The following ABCB11 variants were observed in gnomAD, a reference collection of about 807,000 sequenced individuals.
ABCB11 encodes bile salt export pump.
Under a neutral mutation model 148.0 loss-of-function variants are expected in ABCB11, and 95 were observed. The ratio of observed to expected loss-of-function variants is 0.64; its 90% CI spans 0.54 to 0.76. The LOEUF is 0.76. Ranked by LOEUF, ABCB11 falls within the 30% of genes least tolerant of loss-of-function variation. The pLI is 0.00. For missense variants in ABCB11, 1,523 were observed against 1,617.8 expected, an observed-to-expected ratio of 0.94 and a Z score of 1.01; for synonymous variants, 591 against 555.4, an observed-to-expected ratio of 1.06 and a Z score of -0.90.
At chr2:168,941,746 A>G (rs953727656) in intron 21 of ABCB11, among the ~76,000 whole-genome samples, 1 of 152,072 alleles carries the variant, frequency 6.6e-6, no homozygotes, top group African/African-American at 2.4e-5. Flanking sequence ...TCAATTGATG[A>G]GGCAAACTTC....
At chr2:168,928,153 T>C (rs1343769014) in intron 25 of ABCB11, among the ~76,000 whole-genome samples, 2 of 152,196 alleles carry the variant, frequency 1.3e-5, no homozygotes, top group Non-Finnish European at 2.9e-5. Context: ...TTCTAAGTAA[T>C]GGAAAAAGCA....
intron 19 of ABCB11, 50 bp downstream of exon 19, chr2:168,957,914 A>G: frequency 7.1e-7 from 1 of 1,400,010 alleles, no homozygotes; most frequent in Non-Finnish European, 9.5e-7. Flanking sequence ...TATCAAAATA[A>G]TAAAATAAAA....
chr2:168,919,516 C>T (rs1048385274), downstream of ABCB11, among the ~76,000 whole-genome samples: 1 of 152,138 alleles, frequency 6.6e-6, no homozygotes, highest in East Asian at 1.9e-4. Context: ...CACCTGTAAT[C>T]CTGGGATCTC....
chr2:168,943,429 C>T (rs1692159414), intron 21 of ABCB11, among the ~76,000 whole-genome samples: 1 of 151,814 alleles, frequency 6.6e-6, no homozygotes, highest in African/African-American at 2.4e-5. Context: ...AGGAGAAAAA[C>T]CTAGGGGAAA....
At chr2:169,003,253 C>T (rs1329897916) in intron 5 of ABCB11, among the ~76,000 whole-genome samples, 1 of 151,632 alleles carries the variant, frequency 6.6e-6, no homozygotes, top group Non-Finnish European at 1.5e-5. Context: ...TAATAGTCTC[C>T]AATTCCATCC....
intron 17 of ABCB11, among the ~76,000 whole-genome samples, chr2:168,965,395 G>C (rs748298623): frequency 2.6e-5 from 4 of 151,676 alleles, no homozygotes; most frequent in Non-Finnish European, 5.9e-5. Flanking sequence ...ATTATGTTGA[G>C]ACCTTCAAAA....
chr2:168,971,756 G>T (rs1693585229), intron 14 of ABCB11, 91 bp downstream of exon 14: 1 of 1,196,564 alleles, frequency 8.4e-7, no homozygotes, highest in Non-Finnish European at 1.2e-6. Flanking sequence ...AATGACTTGG[G>T]AATCATACGA....
At chr2:169,018,689 A>G (rs1695439901) in intron 1 of ABCB11, among the ~76,000 whole-genome samples, 1 of 152,148 alleles carries the variant, frequency 6.6e-6, no homozygotes, top group Admixed American at 6.5e-5. Flanking sequence ...ATGTCGACAG[A>G]GTCATGATTA....
At chr2:168,932,602 G>A (rs2105891888) in intron 23 of ABCB11, 69 bp from the exon 24 acceptor site, 4 of 1,562,742 alleles carry the variant, frequency 2.6e-6, no homozygotes, top group East Asian at 2.3e-5. Flanking sequence ...GAAGGCAGAA[G>A]TTTGGGGATC....
intron 11 of ABCB11, among the ~76,000 whole-genome samples, chr2:168,977,439 T>C (rs2058996): frequency 0.59 from 89,450 of 151,930 alleles, 26,947 homozygotes; most frequent in African/African-American, 0.71. Context: ...CAACTTTCAA[T>C]TGTTGTCCTG....
chr2:168,960,861 A>G (rs1234624919), intron 18 of ABCB11, among the ~76,000 whole-genome samples: 2 of 151,800 alleles, frequency 1.3e-5, no homozygotes, highest in African/African-American at 4.8e-5. Flanking sequence ...ATTAAACATA[A>G]AGAGAAGATT....
At chr2:168,974,079 GTAAAA>G (rs1281285478) in intron 12 of ABCB11, among the ~76,000 whole-genome samples, 3 of 151,926 alleles carry the variant, frequency 2.0e-5, no homozygotes, top group African/African-American at 7.2e-5. Context: ...TGACCAAGAA[GTAAAA>G]TGATGCACAT....
chr2:168,970,611 C>T, intron 14 of ABCB11: 1 of 317,182 alleles, frequency 3.2e-6, no homozygotes, highest in Non-Finnish European at 6.2e-6. Context: ...GCTGTTTTTA[C>T]ATTATGAATA....
chr2:168,932,177 G>A (rs1368917229), intron 24 of ABCB11, among the ~76,000 whole-genome samples, 200 bp downstream of exon 24: 6 of 152,008 alleles, frequency 3.9e-5, no homozygotes, highest in Non-Finnish European at 8.8e-5. Flanking sequence ...TCCCCTGACA[G>A]GCCCCGGTGT....
intron 18 of ABCB11, among the ~76,000 whole-genome samples, chr2:168,959,710 A>G (rs1361769932): frequency 6.6e-6 from 1 of 151,554 alleles, no homozygotes; most frequent in Non-Finnish European, 1.5e-5. Context: ...CCATCTGCCC[A>G]TTATGAAAGA....
chr2:169,001,822 A>G (rs1352828758), intron 5 of ABCB11, among the ~76,000 whole-genome samples: 1 of 152,224 alleles, frequency 6.6e-6, no homozygotes, highest in South Asian at 2.1e-4. Flanking sequence ...TCTAGTACAT[A>G]TCAGGCATAA....
chr2:168,972,459 AAG>A (rs1275674799), intron 13 of ABCB11, among the ~76,000 whole-genome samples: 2 of 28,216 alleles, frequency 7.1e-5, no homozygotes, highest in Non-Finnish European at 1.8e-4. Flanking sequence ...GATTTATAGT[AAG>A]TCTTACTTTC....
chr2:168,932,327 A>C, intron 24 of ABCB11, 50 bp downstream of exon 24: 1 of 1,455,168 alleles, frequency 6.9e-7, no homozygotes, highest in Non-Finnish European at 9.4e-7. Context: ...GTCCCTGCAA[A>C]GGACATGAAC....
chr2:169,013,490 A>C lies in ABCB11; in HGVS notation c.171T>G (p.Thr57=), dbSNP rs747251122. 6.2e-7 allele frequency: 1 copy of C among 1,613,208 alleles called. No homozygotes were observed. The highest frequency in any genetic ancestry group is 8.5e-7 in the Non-Finnish European group (1 of 1,179,410). ...FFQLFRFSSS[T]DIWLMFVGSL... ...TTCCCACAAACATCAGCCAAATGTC[A>C]GTTGATGAAGAAAACCGAAACTTGA... The change falls in exon 5 of 28, where the codon ACT becomes ACG. Residue 57 remains threonine, a synonymous_variant. Coordinates refer to ENST00000650372, the MANE Select transcript of ABCB11 (RefSeq NM_003742.4).
Sources: allele counts gnomAD v4.1 joint callset (sites outside exome capture counted in the v4.1 genomes callset), GRCh38; gene constraint gnomAD v4.1.1; transcripts MANE v1.5; gene names NCBI Gene and HGNC (gene_info 2026-07-23, HGNC 2026-07-21).